The following GSDME variants were observed in gnomAD, a reference collection of about 807,000 sequenced individuals.
GSDME encodes gasdermin E, also known as gasdermin-E.
A neutral mutation model predicts 47.5 loss-of-function variants in GSDME; 44 were observed. That is an observed-to-expected ratio of 0.93 (90% CI 0.73 to 1.19). The LOEUF (loss-of-function observed/expected upper bound fraction) is 1.19. Among genes scored for constraint, GSDME ranks in the 50% most tolerant of loss-of-function variants. The probability of loss-of-function intolerance (pLI) is 0.00; values close to 1 mark genes in which losing one functional copy is unlikely to be tolerated. For synonymous variants in GSDME, 258 were observed against 252.8 expected (o/e 1.02, Z -0.20); for missense variants, 663 against 604.2 (o/e 1.10, Z -1.02).
At chr7:24,771,531 C>T in the GSDME span, among the ~76,000 whole-genome samples, 1 of 152,164 alleles carries the variant, frequency 6.6e-6, no homozygotes, top group Non-Finnish European at 1.5e-5. This position sits in a 1 kb window ranked among gnomAD's most constrained non-coding sequence, Gnocchi z 4.1. Context: ...AGGAATGTAA[C>T]CAGGCTTGCA....
the GSDME span, among the ~76,000 whole-genome samples, chr7:24,773,969 A>T: frequency 2.6e-5 from 4 of 152,204 alleles, no homozygotes; most frequent in Admixed American, 6.5e-5. This position sits in a 1 kb window ranked among gnomAD's most constrained non-coding sequence, Gnocchi z 5.4. Context: ...TCTTAGATGC[A>T]CAAATGTCTT....
In GSDME at chr7:24,744,796, G is replaced by A; in HGVS notation, c.212-42C>T. On this transcript the variant is annotated intron_variant, in intron 2 of 9. Transcript: ENST00000645220. This position sits in a 1 kb window ranked among gnomAD's most constrained non-coding sequence, Gnocchi z 4.5. The stretch of plus-strand genomic sequence containing the variant: ...GAGCAGAGGAAGCCGATGATGATAA[G>A]GCCACCAAGATGTCTTGGGTCATTT... The A allele has an allele frequency of 1.2e-6, 2 of 1,606,254 alleles. No individual in the cohort carries two copies. The highest frequency in any genetic ancestry group is 1.7e-6 in the Non-Finnish European group (2 of 1,174,308).
At chr7:24,764,186 G>A in the GSDME span, among the ~76,000 whole-genome samples, 6 of 152,276 alleles carry the variant, frequency 3.9e-5, no homozygotes, top group South Asian at 1.2e-3. This position sits in a 1 kb window ranked among gnomAD's most constrained non-coding sequence, Gnocchi z 4.4. Context: ...AATGGAAAAA[G>A]CAATTTGGCA....
the GSDME span, among the ~76,000 whole-genome samples, chr7:24,779,611 GAA>G: frequency 2.0e-5 from 3 of 151,952 alleles, no homozygotes; most frequent in Non-Finnish European, 4.4e-5. The surrounding 1 kb of genome is among the most constrained non-coding windows in gnomAD (Gnocchi z 6.0). Context: ...GGCCTAACCA[GAA>G]AAGACATACA....
upstream of GSDME, among the ~76,000 whole-genome samples, chr7:24,759,167 T>C (rs1472708460): frequency 6.6e-6 from 1 of 152,192 alleles, no homozygotes; most frequent in Non-Finnish European, 1.5e-5. Flanking sequence ...ATGTATGCTA[T>C]TGGTTCTCTA....
At chr7:24,793,627 T>C in the GSDME span, among the ~76,000 whole-genome samples, 1 of 152,200 alleles carries the variant, frequency 6.6e-6, no homozygotes, top group African/African-American at 2.4e-5. Flanking sequence ...AACACACATT[T>C]TTTTTCTTGT....
the GSDME span, among the ~76,000 whole-genome samples, chr7:24,784,625 C>T: frequency 1.5e-5 from 2 of 136,556 alleles, no homozygotes; most frequent in African/African-American, 2.8e-5. Context: ...TTTTCTTCTT[C>T]CTTTTTTTTT....
intron 5 of GSDME, 27 bp from the exon 6 acceptor site, chr7:24,710,415 T>C: frequency 6.2e-7 from 1 of 1,613,730 alleles, no homozygotes; most frequent in Non-Finnish European, 8.5e-7. Flanking sequence ...AAGGACAAGT[T>C]AGGTAAAGTT....
chr7:24,708,105 C>G, intron 7 of GSDME, 22 bp downstream of exon 7: 1 of 1,614,032 alleles, frequency 6.2e-7, no homozygotes. Flanking sequence ...AAAACACTGC[C>G]TTGAGATGTC....
chr7:24,723,564 C>T (rs1383920088), intron 3 of GSDME, among the ~76,000 whole-genome samples: 3 of 152,222 alleles, frequency 2.0e-5, no homozygotes, highest in African/African-American at 7.2e-5. Context: ...TAATAGAGTT[C>T]ATGAAACAAA....
At position 24,708,218 on chromosome 7, in the gene GSDME, G is replaced by A. The variant is rs762708893; in HGVS notation, c.899C>T (p.Ala300Val). ...LLLERNFHPF[A>V]ELPEPQQTAL... ...TGTCTGTTGTGGCTCAGGCAGCTCC[G>A]CAAATGGATGGAAATTCCTCTCCAG... Residue 300 changes from alanine (A) to valine (V), a missense_variant, in exon 7 of 10, where the codon GCG becomes GTG. Transcript: ENST00000645220. 5.8e-5 allele frequency: 94 copies of A among 1,614,072 alleles called. No individual in the cohort carries two copies. Among genetic ancestry groups the A allele is most frequent in the Admixed American group, 3.2e-4 (19 of 60,012 alleles).
At position 24,732,337 on chromosome 7, in the gene GSDME, G is replaced by C. The variant is rs946174365; in HGVS notation, c.404+12225C>G. ...CATGGCTCCTCAAATCTTTCTCCTT[G>C]AAAAACTCCTAAATGTTAAAGGACC... On this transcript the variant is annotated intron_variant, in intron 3 of 9. Transcript: ENST00000645220. This position sits in a 1 kb window ranked among gnomAD's most constrained non-coding sequence, Gnocchi z 4.8. Among the ~76,000 whole-genome samples, 1 of 152,130 alleles carries C rather than the reference G, an allele frequency of 6.6e-6. No homozygotes were observed. The highest frequency in any genetic ancestry group is 2.4e-5 in the African/African-American group (1 of 41,424).
the GSDME span, among the ~76,000 whole-genome samples, chr7:24,794,188 C>A: frequency 7.2e-6 from 1 of 139,004 alleles, no homozygotes; most frequent in Non-Finnish European, 1.5e-5. Context: ...CTCTTCCTCT[C>A]TCTCTCTGCC....
chr7:24,707,944 C>T (rs1430192344), intron 7 of GSDME, 183 bp downstream of exon 7: 2 of 674,794 alleles, frequency 3.0e-6, no homozygotes, highest in Admixed American at 2.9e-5. Flanking sequence ...AAATTAACAC[C>T]TCCCTCCACC....
At chr7:24,769,788 A>T in the GSDME span, among the ~76,000 whole-genome samples, 5 of 152,240 alleles carry the variant, frequency 3.3e-5, no homozygotes, top group South Asian at 1.0e-3. Flanking sequence ...ATCTGAAAAG[A>T]CAAAGCAAGC....
rs1486184574 is a variant in GSDME, at chr7:24,733,878, C to T, written c.404+10684G>A. The stretch of plus-strand genomic sequence containing the variant: ...CACCTCATGTCTGAGGGGAAGGACA[C>T]AAGCCTGGCTGGCTTTACCACCTGC... On this transcript the variant is annotated intron_variant, in intron 3 of 9. Coordinates refer to ENST00000645220, the MANE Select transcript of GSDME (RefSeq NM_001127453.2). This position sits in a 1 kb window ranked among gnomAD's most constrained non-coding sequence, Gnocchi z 4.3. 6.6e-6 allele frequency among the ~76,000 whole-genome samples: 1 copy of T among 152,228 alleles called. No individual in the cohort carries two copies. The highest frequency in any genetic ancestry group is 1.5e-5 in the Non-Finnish European group (1 of 68,038).
the GSDME span, among the ~76,000 whole-genome samples, chr7:24,769,774 T>C: frequency 1.3e-5 from 2 of 152,032 alleles, no homozygotes; most frequent in East Asian, 3.8e-4. Context: ...AACACACGCA[T>C]GCAATCTGAA....
chr7:24,698,854 T>C lies in GSDME; in HGVS notation c.*172A>G, dbSNP rs997062999. ...AGGGCCTCTGATAAGGAAAACTGTT[T>C]AAAGAGTACCTGGTGGCTAAAAGTC... On this transcript the variant is annotated 3_prime_UTR_variant, in exon 10 of 10. Coordinates refer to ENST00000645220, the MANE Select transcript of GSDME (RefSeq NM_001127453.2). 13 of 657,686 alleles carry C rather than the reference T, an allele frequency of 2.0e-5. No individual in the cohort carries two copies. The highest frequency in any genetic ancestry group is 1.7e-4 in the South Asian group (10 of 58,034). The allele number at this position is 657,686 out of a possible 1,614,324, so 40.7% of individuals were successfully genotyped here.
chr7:24,731,329 C>A (rs1790137667), intron 3 of GSDME, among the ~76,000 whole-genome samples: 1 of 152,230 alleles, frequency 6.6e-6, no homozygotes, highest in Non-Finnish European at 1.5e-5. Flanking sequence ...ACGTCTGGAT[C>A]AGCACTTATT....
Sources: allele counts gnomAD v4.1 joint callset (sites outside exome capture counted in the v4.1 genomes callset), GRCh38; gene constraint gnomAD v4.1.1; non-coding constraint Gnocchi (gnomAD v3.1); transcripts MANE v1.5; gene names NCBI Gene and HGNC (gene_info 2026-07-23, HGNC 2026-07-21).